CBFB: variants seen among roughly 807,000 people sequenced by gnomAD.
CBFB encodes the protein core-binding factor subunit beta.
CBFB carries 9 observed loss-of-function variants against 30.4 expected under a neutral mutation model. The ratio of observed to expected loss-of-function variants is 0.30; its 90% CI spans 0.18 to 0.52. The LOEUF (loss-of-function observed/expected upper bound fraction) is 0.52, where lower values mean the gene tolerates loss of function less well. CBFB is among the 20% of genes least tolerant of loss of function. The pLI is 0.97. For synonymous variants in CBFB, 94 were observed against 84.0 expected (o/e 1.12, Z -0.65); for missense variants, 170 against 244.0 (o/e 0.70, Z 2.02).
At chr16:67,098,001 A>T (rs1356657100) in intron 5 of CBFB, among the ~76,000 whole-genome samples, 1 of 152,256 alleles carries the variant, frequency 6.6e-6, no homozygotes, top group Non-Finnish European at 1.5e-5. Context: ...GCTGATACTC[A>T]ATAAATGTCA....
At chr16:67,078,405 C>T (rs1373957655) in intron 4 of CBFB, among the ~76,000 whole-genome samples, 1 of 151,902 alleles carries the variant, frequency 6.6e-6, no homozygotes, top group African/African-American at 2.4e-5. Flanking sequence ...TAAAAATTAG[C>T]TCTGGTGGCA....
intron 5 of CBFB, among the ~76,000 whole-genome samples, chr16:67,087,816 G>A (rs1373642626): frequency 6.6e-6 from 1 of 152,138 alleles, no homozygotes; most frequent in Non-Finnish European, 1.5e-5. Flanking sequence ...TTTTCTCACA[G>A]AATTTGAGTA....
chr16:67,083,071 T>TG (rs1340474568), intron 5 of CBFB, among the ~76,000 whole-genome samples: 1 of 152,134 alleles, frequency 6.6e-6, no homozygotes, highest in Non-Finnish European at 1.5e-5. Context: ...TTTAGTCACT[T>TG]GGTAGGCCAA....
rs772167670 is a variant in CBFB, at chr16:67,029,715, C to T, written c.79-12C>T. 8.8e-6 allele frequency: 14 copies of T among 1,583,976 alleles called. No individual in the cohort carries two copies. The highest frequency in any genetic ancestry group is 8.7e-5 in the Admixed American group (5 of 57,200). ...GATTTGGCTCCTGATTTCGGGCCGT[C>T]TTGCCTTGCAGATTAAGTACACGGG... On this transcript the variant is annotated splice_polypyrimidine_tract_variant and intron_variant, in intron 1 of 5. Coordinates refer to ENST00000412916, the MANE Select transcript of CBFB (RefSeq NM_022845.3).
At chr16:67,034,449 A>G (rs1467936954) in intron 2 of CBFB, among the ~76,000 whole-genome samples, 2 of 152,202 alleles carry the variant, frequency 1.3e-5, no homozygotes, top group African/African-American at 4.8e-5. Flanking sequence ...TTGACACCAT[A>G]TTAATATTTT....
chr16:67,057,279 A>G lies in CBFB; in HGVS notation c.283-9403A>G, dbSNP rs1037788919. ...ATTACAGGCGTGAGCCACCGCGCCT[A>G]TCCTCTAGCAGGCTTTTTAAAGGTC... On this transcript the variant is annotated intron_variant, in intron 3 of 5. Transcript: ENST00000412916. 6.0e-4 allele frequency among the ~76,000 whole-genome samples: 91 copies of G among 152,192 alleles called. 1 individual carries two copies. The highest frequency in any genetic ancestry group is 2.0e-3 in the African/African-American group (84 of 41,526).
chr16:67,029,851 T>C (rs1439652020), intron 2 of CBFB, 38 bp downstream of exon 2: 2 of 1,497,034 alleles, frequency 1.3e-6, no homozygotes, highest in Admixed American at 1.9e-5. Flanking sequence ...GGGTCACTTG[T>C]TGCGCGGGGC....
At chr16:67,075,819 G>A (rs1394384936) in intron 4 of CBFB, among the ~76,000 whole-genome samples, 1 of 152,212 alleles carries the variant, frequency 6.6e-6, no homozygotes, top group South Asian at 2.1e-4. Context: ...AATATTGAGA[G>A]TACAGAACAG....
chr16:67,040,739 A>G (rs1396439354), intron 3 of CBFB, among the ~76,000 whole-genome samples: 1 of 152,212 alleles, frequency 6.6e-6, no homozygotes, highest in African/African-American at 2.4e-5. Flanking sequence ...TTTGGGAAAA[A>G]GGAAAGGTAT....
At chr16:67,079,952 G>C (rs60400727) in intron 4 of CBFB, among the ~76,000 whole-genome samples, 6,264 of 152,238 alleles carry the variant, frequency 0.041, 430 homozygotes, top group African/African-American at 0.14. Context: ...TTCGAGACCA[G>C]CCGGGCATGA....
At chr16:67,065,814 T>A (rs1961034510) in intron 3 of CBFB, among the ~76,000 whole-genome samples, 1 of 152,232 alleles carries the variant, frequency 6.6e-6, no homozygotes, top group Non-Finnish European at 1.5e-5. Context: ...CTTAAAACTT[T>A]TCTACTATAT....
intron 5 of CBFB, among the ~76,000 whole-genome samples, chr16:67,090,547 G>C (rs1961853195): frequency 6.6e-6 from 1 of 152,176 alleles, no homozygotes; most frequent in Admixed American, 6.5e-5. Flanking sequence ...AGTTGAGTTA[G>C]AAAGATAGCA....
intron 3 of CBFB, among the ~76,000 whole-genome samples, chr16:67,052,771 G>A (rs1357469692): frequency 2.6e-5 from 4 of 151,896 alleles, no homozygotes; most frequent in Non-Finnish European, 5.9e-5. Flanking sequence ...AGACCAGCCC[G>A]GGCAACAAAG....
chr16:67,072,560 G>C (rs1961256910), intron 4 of CBFB, among the ~76,000 whole-genome samples: 1 of 151,746 alleles, frequency 6.6e-6, no homozygotes, highest in South Asian at 2.1e-4. Flanking sequence ...TCCGCCTCCT[G>C]GGTTCAAGCG....
chr16:67,080,480 G>GA (rs138495946), intron 4 of CBFB, among the ~76,000 whole-genome samples: 3,077 of 150,678 alleles, frequency 0.02, 93 homozygotes, highest in African/African-American at 0.069. Flanking sequence ...GTTTCTTGCA[G>GA]AAAAAAAAAT....
chr16:67,099,312 C>T lies in CBFB; in HGVS notation c.*534C>T, dbSNP rs557399079. Reference sequence around the variant, plus strand: ...CTGCTGATGTTGTTTGCATTATTTACAGGCTAAAAACTTAGTAGCATAGAG... The same window carrying T: ...CTGCTGATGTTGTTTGCATTATTTATAGGCTAAAAACTTAGTAGCATAGAG... On this transcript the variant is annotated 3_prime_UTR_variant, in exon 6 of 6. Transcript: ENST00000412916. 1 of 228,178 alleles carries T rather than the reference C, an allele frequency of 4.4e-6. No homozygotes were observed. 14.1% of individuals were successfully genotyped at this position (228,178 alleles called of 1,614,324 possible).
At chr16:67,065,539 T>A (rs1240389427) in intron 3 of CBFB, among the ~76,000 whole-genome samples, 3 of 152,216 alleles carry the variant, frequency 2.0e-5, no homozygotes, top group African/African-American at 4.8e-5. Flanking sequence ...TTCATTTTTT[T>A]ATTTTTATTT....
At chr16:67,062,251 C>G (rs563908584) in intron 3 of CBFB, among the ~76,000 whole-genome samples, 1 of 150,438 alleles carries the variant, frequency 6.6e-6, no homozygotes, top group African/African-American at 2.4e-5. Context: ...TCACTGCAAA[C>G]TCCATCTCCC....
At chr16:67,067,933 G>A (rs1210547643) in intron 4 of CBFB, among the ~76,000 whole-genome samples, 22 of 152,208 alleles carry the variant, frequency 1.4e-4, no homozygotes, top group Admixed American at 1.4e-3. Context: ...AGAAAGCTGT[G>A]TGCATGTACA....
Sources: gnomAD v4.1 joint callset for allele counts (sites outside exome capture counted in the v4.1 genomes callset) on GRCh38, gnomAD v4.1.1 for gene constraint, MANE v1.5 for transcripts, NCBI Gene and HGNC (gene_info 2026-07-23, HGNC 2026-07-21) for gene names.